NRXN3: variants seen among roughly 807,000 people sequenced by gnomAD.
NRXN3 encodes neurexin III.
Under a neutral mutation model 137.6 loss-of-function variants are expected in NRXN3, and 32 were observed. The ratio of observed to expected loss-of-function variants is 0.23; its 90% CI spans 0.18 to 0.31. The LOEUF is 0.31. Among genes scored for constraint, NRXN3 ranks in the 10% least tolerant of loss-of-function variants. The probability of loss-of-function intolerance (pLI) is 1.00; values close to 1 mark genes in which losing one functional copy is unlikely to be tolerated. For synonymous variants in NRXN3, 798 were observed against 784.5 expected (o/e 1.02, Z -0.29); for missense variants, 1,574 against 2,062.5 (o/e 0.76, Z 4.59).
At chr14:79,415,097 C>T (rs1363096249) in intron 15 of NRXN3, among the ~76,000 whole-genome samples, 1 of 152,098 alleles carries the variant, frequency 6.6e-6, no homozygotes, top group Non-Finnish European at 1.5e-5. Context: ...TACATGCATA[C>T]ATATCTCTCT....
chr14:78,802,819 G>A (rs977065036), intron 8 of NRXN3, among the ~76,000 whole-genome samples: 2 of 152,106 alleles, frequency 1.3e-5, no homozygotes, highest in African/African-American at 2.4e-5. Flanking sequence ...GGTGGCATGC[G>A]CCTGTAATCC....
At chr14:79,235,225 GA>G (rs2073163166) in intron 15 of NRXN3, among the ~76,000 whole-genome samples, 1 of 152,068 alleles carries the variant, frequency 6.6e-6, no homozygotes, top group Non-Finnish European at 1.5e-5. Context: ...AGAAAGGGGA[GA>G]AAACCTACTT....
At chr14:78,250,165 C>A (rs2068381231) in intron 2 of NRXN3, 1 of 494,824 alleles carries the variant, frequency 2.0e-6, no homozygotes, top group Admixed American at 2.1e-5. Context: ...GGCAGAGCTG[C>A]AATTTGTGTC....
intron 1 of NRXN3, chr14:78,231,721 G>C (rs1208518068): frequency 6.6e-6 from 1 of 152,206 alleles, no homozygotes; most frequent in Non-Finnish European, 1.5e-5. Context: ...CCAAAATAGG[G>C]ATAATAATAG....
intron 4 of NRXN3, among the ~76,000 whole-genome samples, chr14:78,379,230 T>C (rs952236474): frequency 6.6e-6 from 1 of 152,042 alleles, no homozygotes; most frequent in Non-Finnish European, 1.5e-5. Flanking sequence ...TTCTAGAAAA[T>C]AGAAAAGGAG....
intron 20 of NRXN3, among the ~76,000 whole-genome samples, chr14:79,824,058 G>A (rs2099281767): frequency 6.6e-6 from 1 of 152,202 alleles, no homozygotes; most frequent in Non-Finnish European, 1.5e-5. Flanking sequence ...TTGGGAATAT[G>A]CTTGATCCTT....
At chr14:79,744,398 A>G (rs1490938471) in intron 19 of NRXN3, among the ~76,000 whole-genome samples, 1 of 142,662 alleles carries the variant, frequency 7.0e-6, no homozygotes, top group East Asian at 2.0e-4. Context: ...TCACCTTTCT[A>G]TCCACTTAGA....
chr14:79,192,769 T>C (rs868396863), intron 15 of NRXN3, among the ~76,000 whole-genome samples: 28,703 of 137,980 alleles, frequency 0.21, 2,505 homozygotes, highest in Non-Finnish European at 0.26. Flanking sequence ...CTCTTAATTT[T>C]TTTTTTTTTT....
chr14:79,769,887 T>A (rs1345879332), intron 19 of NRXN3, among the ~76,000 whole-genome samples: 1 of 152,074 alleles, frequency 6.6e-6, no homozygotes, highest in Non-Finnish European at 1.5e-5. Flanking sequence ...CCATCTCACA[T>A]GCAGAGACAC....
At chr14:79,383,071 T>C (rs923749046) in intron 15 of NRXN3, among the ~76,000 whole-genome samples, 22 of 152,250 alleles carry the variant, frequency 1.4e-4, no homozygotes, top group African/African-American at 4.6e-4. Flanking sequence ...TTTCCCTGAG[T>C]TCTGTAGATT....
At chr14:79,632,618 A>C (rs1295471886) in intron 16 of NRXN3, among the ~76,000 whole-genome samples, 3 of 152,240 alleles carry the variant, frequency 2.0e-5, no homozygotes, top group East Asian at 3.8e-4. Context: ...TGATTAAAAC[A>C]AATTATATCT....
chr14:79,496,665 A>C (rs1038197646), intron 16 of NRXN3, among the ~76,000 whole-genome samples: 2 of 152,224 alleles, frequency 1.3e-5, no homozygotes, highest in Non-Finnish European at 2.9e-5. Flanking sequence ...TCCTTAATCT[A>C]AATGTTGATT....
chr14:79,382,608 T>C (rs1422624089), intron 15 of NRXN3, among the ~76,000 whole-genome samples: 1 of 152,102 alleles, frequency 6.6e-6, no homozygotes, highest in African/African-American at 2.4e-5. Context: ...GTTATTATCA[T>C]ACACAGACTA....
intron 4 of NRXN3, among the ~76,000 whole-genome samples, chr14:78,639,681 G>C (rs370036315): frequency 2.0e-5 from 3 of 152,188 alleles, no homozygotes; most frequent in African/African-American, 7.2e-5. Flanking sequence ...ATCAGATATA[G>C]GGTGCTAGGC....
chr14:78,658,956 C>A (rs1044619662), intron 6 of NRXN3, among the ~76,000 whole-genome samples: 21 of 152,188 alleles, frequency 1.4e-4, no homozygotes, highest in Non-Finnish European at 4.4e-5. Flanking sequence ...GCAATTACGG[C>A]ATCTCAGGAG....
intron 4 of NRXN3, among the ~76,000 whole-genome samples, chr14:78,631,105 A>C (rs2097518204): frequency 6.6e-6 from 1 of 152,182 alleles, no homozygotes; most frequent in Non-Finnish European, 1.5e-5. Flanking sequence ...TGAGATAATC[A>C]TTCAGATAAG....
chr14:78,200,087 G>A (rs1246797882), intron 1 of NRXN3, among the ~76,000 whole-genome samples: 3 of 152,206 alleles, frequency 2.0e-5, no homozygotes, highest in Admixed American at 6.5e-5. Flanking sequence ...GGGCAATGGG[G>A]TGCATCTCAG....
rs2093333488 is a variant in NRXN3, at chr14:78,419,601, A to G, written c.757+121741A>G. ...CAGTTTTCACCTCTTCCCTGGGGAT[A>G]CGGCTCAAGGAGAACTTTCATCATC... On this transcript the variant is annotated intron_variant, in intron 4 of 20. Transcript: ENST00000335750. Among the ~76,000 whole-genome samples, 5 of 152,188 alleles carry G rather than the reference A, an allele frequency of 3.3e-5. No homozygotes were observed. The South Asian group carries it at 1.0e-3, about 31-fold the overall frequency.
At chr14:79,468,301 T>C (rs2096456656) in intron 16 of NRXN3, among the ~76,000 whole-genome samples, 1 of 152,236 alleles carries the variant, frequency 6.6e-6, no homozygotes. Context: ...CTGTGCAGTC[T>C]GCAGTTAAGA....
Sources: gnomAD v4.1 joint callset for allele counts (sites outside exome capture counted in the v4.1 genomes callset) on GRCh38, gnomAD v4.1.1 for gene constraint, MANE v1.5 for transcripts, NCBI Gene and HGNC (gene_info 2026-07-23, HGNC 2026-07-21) for gene names.